RXRA: variants seen among roughly 807,000 people sequenced by gnomAD.
RXRA encodes the protein retinoic acid receptor RXR-alpha.
Under a neutral mutation model 44.5 loss-of-function variants are expected in RXRA, and 5 were observed. The observed-to-expected ratio is 0.11, with a 90% CI of 0.06 to 0.24. The LOEUF is 0.24. Ranked by LOEUF, RXRA falls within the 10% of genes least tolerant of loss-of-function variation. The pLI is 1.00. For synonymous variants in RXRA, 291 were observed against 271.4 expected (o/e 1.07, Z -0.71); for missense variants, 412 against 646.5 (o/e 0.64, Z 3.93).
intron 4 of RXRA, among the ~76,000 whole-genome samples, chr9:134,413,339 TGTG>T (rs765745926): frequency 1.3e-5 from 2 of 151,294 alleles, no homozygotes; most frequent in African/African-American, 2.4e-5. Flanking sequence ...GTATGTGTGG[TGTG>T]GTATGTCTCT....
chr9:134,374,120 G>T (rs1322226194), intron 1 of RXRA: 4 of 152,320 alleles, frequency 2.6e-5, no homozygotes, highest in Non-Finnish European at 5.9e-5. Context: ...CACGGCTTCC[G>T]GGAGTTAAAG....
intron 9 of RXRA, among the ~76,000 whole-genome samples, chr9:134,435,968 C>T (rs1002725507): frequency 3.3e-5 from 5 of 152,208 alleles, no homozygotes; most frequent in South Asian, 2.1e-4. Flanking sequence ...TGGGCTCAAG[C>T]GGTCCTCCCT....
intron 1 of RXRA, among the ~76,000 whole-genome samples, chr9:134,362,574 G>A (rs575884878): frequency 2.0e-5 from 3 of 152,358 alleles, no homozygotes; most frequent in African/African-American, 7.2e-5. Flanking sequence ...TGGGTTTCAT[G>A]GAGTGAATAA....
chr9:134,433,907 C>T lies in RXRA; in HGVS notation c.1136-195C>T, dbSNP rs947725077. Among the ~76,000 whole-genome samples the T allele has an allele frequency of 4.6e-5, 7 of 151,934 alleles. No individual in the cohort carries two copies. Among genetic ancestry groups the T allele is most frequent in the South Asian group, 2.1e-4 (1 of 4,818 alleles). ...TGGACCCAGAGCAGCCTGGCCTGGCCGTGGGTTCCACAGTCGTCCCCCTGC... is the reference window on the plus strand; with the variant it reads ...TGGACCCAGAGCAGCCTGGCCTGGCTGTGGGTTCCACAGTCGTCCCCCTGC... On this transcript the variant is annotated intron_variant, in intron 8 of 9. Coordinates refer to ENST00000481739, the MANE Select transcript of RXRA (RefSeq NM_002957.6). This position sits in a 1 kb window ranked among gnomAD's most constrained non-coding sequence, Gnocchi z 4.2.
At position 134,343,955 on chromosome 9, in the gene RXRA, C is replaced by A. The variant is rs1419566578; in HGVS notation, c.28+17296C>A. ...TGGGGTGGGCATCTCCCCATAGGCCCTCCCCACAGGATGCAGCCCTTCCTC... is the reference window on the plus strand; with the variant it reads ...TGGGGTGGGCATCTCCCCATAGGCCATCCCCACAGGATGCAGCCCTTCCTC... On this transcript the variant is annotated intron_variant, in intron 1 of 9. Transcript: ENST00000481739. The surrounding 1 kb of genome is among the most constrained non-coding windows in gnomAD (Gnocchi z 4.1). Among the ~76,000 whole-genome samples the A allele has an allele frequency of 6.6e-6, 1 of 152,172 alleles. No individual in the cohort carries two copies. The highest frequency in any genetic ancestry group is 1.5e-5 in the Non-Finnish European group (1 of 68,024).
chr9:134,434,244 A>G (rs1430855437), intron 9 of RXRA, 37 bp downstream of exon 9: 3 of 1,498,778 alleles, frequency 2.0e-6, no homozygotes, highest in Non-Finnish European at 2.8e-6. Flanking sequence ...CCCCAGACCC[A>G]GGCTCTTGTC....
chr9:134,360,198 C>T (rs184417818), intron 1 of RXRA, among the ~76,000 whole-genome samples: 124 of 152,340 alleles, frequency 8.1e-4, no homozygotes, highest in African/African-American at 2.9e-3. Flanking sequence ...AAGCTGCCAC[C>T]TGTCCTCAGT....
chr9:134,413,860 A>G (rs946107297), intron 4 of RXRA, among the ~76,000 whole-genome samples: 1 of 152,146 alleles, frequency 6.6e-6, no homozygotes, highest in Non-Finnish European at 1.5e-5. Flanking sequence ...CCGCCTGGGC[A>G]GGAGTCTCAG....
At chr9:134,335,663 G>T (rs1829991173) in intron 1 of RXRA, among the ~76,000 whole-genome samples, 1 of 152,156 alleles carries the variant, frequency 6.6e-6, no homozygotes, top group Non-Finnish European at 1.5e-5. Context: ...GCTAGGGGTG[G>T]GCCTCGCTGC....
intron 1 of RXRA, among the ~76,000 whole-genome samples, chr9:134,400,681 C>T (rs879735934): frequency 1.1e-4 from 17 of 152,278 alleles, no homozygotes; most frequent in South Asian, 1.0e-3. Context: ...CTCCAGGGTG[C>T]GGGGCAGGGG....
At chr9:134,348,497 T>C (rs2119039020) in intron 1 of RXRA, among the ~76,000 whole-genome samples, 1 of 142,000 alleles carries the variant, frequency 7.0e-6, no homozygotes, top group African/African-American at 2.8e-5. Context: ...TGTGGCTGCT[T>C]GTCCCCTGCT....
intron 1 of RXRA, among the ~76,000 whole-genome samples, chr9:134,387,897 G>GT (rs1367057974): frequency 6.6e-6 from 1 of 152,158 alleles, no homozygotes; most frequent in African/African-American, 2.4e-5. Flanking sequence ...TGAGCCCAAG[G>GT]TTTTTTGAAA....
chr9:134,434,547 C>T (rs1180465083), intron 9 of RXRA, among the ~76,000 whole-genome samples: 1 of 152,234 alleles, frequency 6.6e-6, no homozygotes, highest in Non-Finnish European at 1.5e-5. Context: ...GACACCAGCA[C>T]ATAGTAGGTA....
intron 5 of RXRA, among the ~76,000 whole-genome samples, chr9:134,419,929 T>G (rs1831301614): frequency 6.6e-6 from 1 of 152,184 alleles, no homozygotes; most frequent in African/African-American, 2.4e-5. Context: ...TGGCCGGCTG[T>G]GCACACTGCA....
rs541358004 is a variant in RXRA, at chr9:134,363,200, G to A, written c.28+36541G>A. 2.1e-4 allele frequency among the ~76,000 whole-genome samples: 32 copies of A among 152,262 alleles called. 1 individual carries two copies. The highest frequency in any genetic ancestry group is 7.2e-4 in the African/African-American group (30 of 41,552). ...TCCCCATGGGGACCTTTTGGGAGTC[G>A]TCATTAGTGATGGAAGTAACCCAAG... is the stretch of plus-strand genomic sequence containing the variant. On this transcript the variant is annotated intron_variant, in intron 1 of 9. Coordinates refer to ENST00000481739, the MANE Select transcript of RXRA (RefSeq NM_002957.6).
At chr9:134,388,206 C>T (rs1830748497) in intron 1 of RXRA, among the ~76,000 whole-genome samples, 1 of 151,960 alleles carries the variant, frequency 6.6e-6, no homozygotes, top group Non-Finnish European at 1.5e-5. Flanking sequence ...TGTGCACTTC[C>T]GTCAGGGGTC....
rs915626016 is a variant in RXRA at position 134,415,339 on chromosome 9, G to A, written c.611-1819G>A. 5.5e-4 allele frequency among the ~76,000 whole-genome samples: 84 copies of A among 152,176 alleles called. 1 individual carries two copies. The highest frequency in any genetic ancestry group is 1.8e-3 in the African/African-American group (75 of 41,444). ...GGAGGGGCTTGCAGAGCCCCGAGAC[G>A]GCTGCTCAGTGGGAGCTGTAGCTTC... On this transcript the variant is annotated intron_variant, in intron 4 of 9. Coordinates refer to ENST00000481739, the MANE Select transcript of RXRA (RefSeq NM_002957.6).
In RXRA at chr9:134,401,893, G is replaced by A. The variant is rs767914960; in HGVS notation, c.279+11G>A. On this transcript the variant is annotated intron_variant, in intron 2 of 9. Transcript: ENST00000481739. ...ACTGGCAGCCCCCAGGTGAGTGCGGGGCTGGGGCAAGGGGAGGGGGTGGGG... is the reference window on the plus strand; with the variant it reads ...ACTGGCAGCCCCCAGGTGAGTGCGGAGCTGGGGCAAGGGGAGGGGGTGGGG... 1.9e-6 allele frequency: 3 copies of A among 1,593,168 alleles called. No homozygotes were observed. Among genetic ancestry groups the A allele is most frequent in the South Asian group, 1.1e-5 (1 of 89,742 alleles).
intron 1 of RXRA, among the ~76,000 whole-genome samples, chr9:134,352,659 G>A (rs545456028): frequency 4.5e-4 from 69 of 152,358 alleles, no homozygotes; most frequent in Non-Finnish European, 8.5e-4. Flanking sequence ...GCTTGACACA[G>A]AGGGTCAGCT....
Sources: allele counts gnomAD v4.1 joint callset (sites outside exome capture counted in the v4.1 genomes callset), GRCh38; gene constraint gnomAD v4.1.1; non-coding constraint Gnocchi (gnomAD v3.1); transcripts MANE v1.5; gene names NCBI Gene and HGNC (gene_info 2026-07-23, HGNC 2026-07-21).